ANKRD30B: variants seen among roughly 807,000 people sequenced by gnomAD.
ANKRD30B encodes the protein ankyrin repeat domain 30B, also known as ankyrin repeat domain-containing protein 30B.
A neutral mutation model predicts 202.2 loss-of-function variants in ANKRD30B; 144 were observed. The ratio of observed to expected loss-of-function variants is 0.71; its 90% confidence interval spans 0.62 to 0.82. The LOEUF (loss-of-function observed/expected upper bound fraction) is 0.82. ANKRD30B is among the 40% of genes least tolerant of loss of function. ANKRD30B has a pLI of 0.00. For missense variants in ANKRD30B, 1,487 were observed against 1,669.1 expected (o/e 0.89, Z 1.90); for synonymous variants, 508 against 561.3 (o/e 0.91, Z 1.34).
chr18:14,753,910 A>AT (rs1186824545), intron 3 of ANKRD30B, among the ~76,000 whole-genome samples: 1 of 152,144 alleles, frequency 6.6e-6, no homozygotes, highest in African/African-American at 2.4e-5. Flanking sequence ...TTTTATTCAT[A>AT]TTTTTGATAT....
In ANKRD30B at chr18:14,780,184, C is replaced by T. The variant is rs764634801; in HGVS notation, c.1482+163C>T. Among the ~76,000 whole-genome samples the T allele has an allele frequency of 1.9e-4, 29 of 152,280 alleles. 1 individual carries two copies. Among genetic ancestry groups the T allele is most frequent in the Non-Finnish European group, 3.8e-4 (26 of 68,026 alleles). ...ACTTGGCTGGGTACTGTAACTCATG[C>T]CTGTAATGCCAGCATTTTGGGAGGC... On this transcript the variant is annotated intron_variant, in intron 11 of 43. Transcript: ENST00000690538.
chr18:14,871,952 T>G, the ANKRD30B span, among the ~76,000 whole-genome samples: 1 of 152,200 alleles, frequency 6.6e-6, no homozygotes, highest in Non-Finnish European at 1.5e-5. Flanking sequence ...CACCAGAGAT[T>G]GTGCTCAAGA....
intron 34 of ANKRD30B, 136 bp downstream of exon 34, chr18:14,831,591 T>C (rs1205489366): frequency 5.7e-6 from 3 of 529,990 alleles, no homozygotes; most frequent in East Asian, 6.9e-5. Context: ...TAAAAACATT[T>C]TATAGAAATA....
intron 4 of ANKRD30B, 147 bp from the exon 5 acceptor site, chr18:14,757,668 T>G (rs891575564): frequency 1.2e-6 from 1 of 869,482 alleles, no homozygotes; most frequent in Non-Finnish European, 1.6e-6. Context: ...GCCCCTTCCT[T>G]TTAGATTTGG....
chr18:14,933,589 G>A, the ANKRD30B span, among the ~76,000 whole-genome samples: 9 of 152,166 alleles, frequency 5.9e-5, no homozygotes, highest in Admixed American at 3.3e-4. Context: ...CCCTAGAGAT[G>A]CAGGCTCAGC....
chr18:14,896,899 C>T, the ANKRD30B span, among the ~76,000 whole-genome samples: 2 of 146,004 alleles, frequency 1.4e-5, no homozygotes, highest in African/African-American at 5.1e-5. Flanking sequence ...TACAAAAATT[C>T]AGTTAGTATT....
At chr18:14,883,684 G>A in the ANKRD30B span, 2 of 151,252 alleles carry the variant, frequency 1.3e-5, no homozygotes, top group East Asian at 3.9e-4. Flanking sequence ...TTATCTTCAT[G>A]TTGAGTCTGA....
the ANKRD30B span, among the ~76,000 whole-genome samples, chr18:14,884,995 A>G: frequency 6.6e-6 from 1 of 152,074 alleles, no homozygotes; most frequent in African/African-American, 2.4e-5. Flanking sequence ...TTAATGAGCT[A>G]TTTCATATTA....
the ANKRD30B span, among the ~76,000 whole-genome samples, chr18:14,924,152 A>G: frequency 1.3e-5 from 2 of 152,216 alleles, no homozygotes; most frequent in Non-Finnish European, 2.9e-5. Flanking sequence ...AAATAAAGAG[A>G]AAAGAAACCA....
Position 14,799,258 on chromosome 18 carries a change from A to C in ANKRD30B, c.2094A>C (p.Lys698Asn). The C allele has an allele frequency of 1.3e-6, 2 of 1,553,724 alleles. No individual in the cohort carries two copies. The highest frequency in any genetic ancestry group is 1.7e-6 in the Non-Finnish European group (2 of 1,151,106). Residue 698 changes from lysine (K) to asparagine (N), a missense_variant, in exon 22 of 44, where the codon AAA (lysine) becomes AAC (asparagine). Transcript: ENST00000690538. The part of the protein sequence containing the change: ...TCGRKVSLPN[K>N]ALELKDRETF... Reference sequence around the variant, plus strand: ...GAAGGAAAGTTTCTCTTCCAAATAAAGCTTTAGAATTGAAGGACAGAGAAA... The same window carrying C: ...GAAGGAAAGTTTCTCTTCCAAATAACGCTTTAGAATTGAAGGACAGAGAAA...
chr18:14,931,291 T>G, the ANKRD30B span, among the ~76,000 whole-genome samples: 1 of 152,188 alleles, frequency 6.6e-6, no homozygotes, highest in Non-Finnish European at 1.5e-5. Flanking sequence ...AGAGTGGAAA[T>G]GTGACTTACC....
intron 3 of ANKRD30B, among the ~76,000 whole-genome samples, chr18:14,754,464 G>A (rs1013249836): frequency 2.0e-5 from 3 of 152,140 alleles, no homozygotes; most frequent in African/African-American, 7.2e-5. Flanking sequence ...TTGGGGTACA[G>A]TGCTTCTGGT....
chr18:14,761,483 A>G (rs1418414110), intron 6 of ANKRD30B, among the ~76,000 whole-genome samples: 1 of 152,218 alleles, frequency 6.6e-6, no homozygotes, highest in Non-Finnish European at 1.5e-5. Context: ...TTAAGACTGC[A>G]TGAGTAAACA....
the ANKRD30B span, among the ~76,000 whole-genome samples, chr18:14,908,767 A>G: frequency 0.011 from 1,731 of 152,184 alleles, 33 homozygotes; most frequent in African/African-American, 0.04. Flanking sequence ...CTGGGAGAGA[A>G]TTGCTGGATT....
the ANKRD30B span, among the ~76,000 whole-genome samples, chr18:14,934,204 A>G: frequency 6.6e-6 from 1 of 152,160 alleles, no homozygotes; most frequent in Non-Finnish European, 1.5e-5. Context: ...TGGTCTCCTG[A>G]GCCTGGCCTG....
intron 30 of ANKRD30B, among the ~76,000 whole-genome samples, chr18:14,817,583 A>G (rs1462815767): frequency 6.6e-6 from 1 of 152,154 alleles, no homozygotes; most frequent in African/African-American, 2.4e-5. Flanking sequence ...CTTGTCTTAG[A>G]AAGGTCAAAG....
chr18:14,768,815 C>T (rs1031204288), intron 7 of ANKRD30B, among the ~76,000 whole-genome samples: 4 of 152,166 alleles, frequency 2.6e-5, no homozygotes, highest in Non-Finnish European at 4.4e-5. Context: ...TGTCCACTTA[C>T]ACTAATTCTG....
chr18:14,898,621 G>A, the ANKRD30B span, among the ~76,000 whole-genome samples: 5 of 151,976 alleles, frequency 3.3e-5, no homozygotes, highest in Non-Finnish European at 7.4e-5. Flanking sequence ...TTAAACATTC[G>A]ATTCCTTTTT....
In ANKRD30B at chr18:14,772,137, G is replaced by T. The variant is rs1236166501; in HGVS notation, c.1257-19G>T. On this transcript the variant is annotated intron_variant, in intron 8 of 43. Coordinates refer to ENST00000690538, the MANE Select transcript of ANKRD30B (RefSeq NM_001367607.2). ...ATATATGAATTTGCTCATTTATGTT[G>T]TATCATTTTTCTTTAAAGTCTTTTT... The T allele has an allele frequency of 1.4e-6, 2 of 1,445,956 alleles. No individual in the cohort carries two copies. Among genetic ancestry groups the T allele is most frequent in the South Asian group, 2.9e-5 (2 of 69,314 alleles). 89.6% of individuals were successfully genotyped at this position (1,445,956 alleles called of 1,614,324 possible).
Sources: allele counts gnomAD v4.1 joint callset (sites outside exome capture counted in the v4.1 genomes callset), GRCh38; gene constraint gnomAD v4.1.1; transcripts MANE v1.5; gene names NCBI Gene and HGNC (gene_info 2026-07-23, HGNC 2026-07-21).